The following RALYL variants were observed in gnomAD, a reference collection of about 807,000 sequenced individuals.
RALYL encodes the protein RALY RNA binding protein like.
Under a neutral mutation model 35.1 loss-of-function variants are expected in RALYL, and 29 were observed. That is an observed-to-expected ratio of 0.83 (90% CI 0.61 to 1.13). The LOEUF (loss-of-function observed/expected upper bound fraction) is 1.13, where lower values mean the gene tolerates loss of function less well. Among genes scored for constraint, RALYL ranks in the 50% most tolerant of loss-of-function variants. RALYL has a pLI of 0.00. For synonymous variants in RALYL, 120 were observed against 127.6 expected, an observed-to-expected ratio of 0.94 and a Z score of 0.40; for missense variants, 359 against 360.4, an observed-to-expected ratio of 1.00 and a Z score of 0.03.
At chr8:84,275,294 G>A (rs929621020) in intron 1 of RALYL, among the ~76,000 whole-genome samples, 1 of 151,914 alleles carries the variant, frequency 6.6e-6, no homozygotes, top group Non-Finnish European at 1.5e-5. Flanking sequence ...AATCTAACTT[G>A]TTGGTATATT....
At chr8:84,288,307 C>T (rs1838068842) in intron 1 of RALYL, among the ~76,000 whole-genome samples, 1 of 152,128 alleles carries the variant, frequency 6.6e-6, no homozygotes, top group African/African-American at 2.4e-5. Context: ...AATGGGCAGC[C>T]AATTTGAGTG....
chr8:84,846,914 G>T (rs919591331), intron 4 of RALYL, among the ~76,000 whole-genome samples: 1 of 152,082 alleles, frequency 6.6e-6, no homozygotes, highest in Non-Finnish European at 1.5e-5. Context: ...TGGTTTTATT[G>T]ATCTTTTGTG....
intron 1 of RALYL, among the ~76,000 whole-genome samples, chr8:84,424,840 G>T (rs1245539354): frequency 6.6e-6 from 1 of 151,960 alleles, no homozygotes; most frequent in Non-Finnish European, 1.5e-5. Context: ...CTGCTGGGGG[G>T]TGCCTCCCAG....
At chr8:84,760,932 T>G (rs1191699356) in intron 2 of RALYL, among the ~76,000 whole-genome samples, 1 of 152,136 alleles carries the variant, frequency 6.6e-6, no homozygotes, top group African/African-American at 2.4e-5. Flanking sequence ...AACTGCATGA[T>G]ATCTACATTT....
chr8:84,760,017 G>A (rs1247413650), intron 2 of RALYL, among the ~76,000 whole-genome samples: 3 of 152,052 alleles, frequency 2.0e-5, no homozygotes, highest in African/African-American at 7.2e-5. Flanking sequence ...CTATCTTATA[G>A]GCCATTGCTA....
intron 2 of RALYL, among the ~76,000 whole-genome samples, chr8:84,641,869 T>C (rs1293844486): frequency 2.0e-5 from 3 of 150,780 alleles, no homozygotes; most frequent in South Asian, 2.1e-4. Context: ...TGCCAAAACA[T>C]TGATACCTTA....
intron 1 of RALYL, among the ~76,000 whole-genome samples, chr8:84,413,411 G>A (rs903908638): frequency 1.5e-4 from 22 of 150,322 alleles, no homozygotes; most frequent in Non-Finnish European, 7.4e-5. Flanking sequence ...GTTTACTGAT[G>A]GAGAAAAAAA....
intron 1 of RALYL, among the ~76,000 whole-genome samples, chr8:84,373,629 T>C (rs1241874069): frequency 6.6e-6 from 1 of 152,086 alleles, no homozygotes; most frequent in African/African-American, 2.4e-5. Context: ...GTCCCTTCAA[T>C]ATAGTTTGAC....
intron 7 of RALYL, among the ~76,000 whole-genome samples, chr8:84,882,839 C>T (rs182378515): frequency 9.2e-5 from 14 of 151,862 alleles, no homozygotes; most frequent in Middle Eastern, 3.4e-3. Context: ...ACGAACTAAA[C>T]GTTACTCATC....
chr8:84,536,044 G>A (rs575304296), intron 2 of RALYL, among the ~76,000 whole-genome samples: 2 of 152,194 alleles, frequency 1.3e-5, no homozygotes, highest in South Asian at 4.2e-4. Context: ...AATTGTTCAG[G>A]AAATAAAACT....
intron 1 of RALYL, among the ~76,000 whole-genome samples, chr8:84,276,866 C>T (rs929168891): frequency 7.9e-5 from 12 of 152,188 alleles, no homozygotes; most frequent in African/African-American, 2.9e-4. Flanking sequence ...TTCAATGAAA[C>T]ATTTACAATG....
intron 1 of RALYL, among the ~76,000 whole-genome samples, chr8:84,454,024 A>T (rs2049838330): frequency 6.6e-6 from 1 of 152,088 alleles, no homozygotes; most frequent in South Asian, 2.1e-4. Context: ...TACATATAAT[A>T]AATGGACTTC....
intron 1 of RALYL, among the ~76,000 whole-genome samples, chr8:84,308,015 C>T (rs10099145): frequency 0.053 from 7,973 of 150,880 alleles, 236 homozygotes; most frequent in Middle Eastern, 0.088. Flanking sequence ...CCGCTCAAAA[C>T]CGTAGGTCAG....
intron 2 of RALYL, among the ~76,000 whole-genome samples, chr8:84,572,320 AT>A (rs1808209003): frequency 6.6e-6 from 1 of 150,674 alleles, no homozygotes; most frequent in African/African-American, 2.4e-5. Context: ...ATATGTGAGA[AT>A]TTTTCCTGTC....
At chr8:84,584,901 C>G (rs1205210793) in intron 2 of RALYL, among the ~76,000 whole-genome samples, 1 of 152,140 alleles carries the variant, frequency 6.6e-6, no homozygotes, top group African/African-American at 2.4e-5. Context: ...AAAGAAACTG[C>G]TAGTCAGATG....
At chr8:84,529,927 T>G (rs1253593548) in intron 2 of RALYL, among the ~76,000 whole-genome samples, 7 of 152,130 alleles carry the variant, frequency 4.6e-5, no homozygotes, top group African/African-American at 7.2e-5. Flanking sequence ...TAACTTCACT[T>G]GTCATACTTA....
At chr8:84,587,229 T>C (rs1365362136) in intron 2 of RALYL, among the ~76,000 whole-genome samples, 1 of 152,212 alleles carries the variant, frequency 6.6e-6, no homozygotes, top group African/African-American at 2.4e-5. Context: ...CTAGAATTTC[T>C]TGAGGTTGAA....
At chr8:84,472,012 T>C (rs563235236) in intron 1 of RALYL, among the ~76,000 whole-genome samples, 108 of 152,324 alleles carry the variant, frequency 7.1e-4, no homozygotes, top group Non-Finnish European at 1.4e-3. Context: ...AAATTCTCAG[T>C]AGGAACACTT....
intron 1 of RALYL, among the ~76,000 whole-genome samples, chr8:84,302,685 A>C (rs960364688): frequency 6.6e-6 from 1 of 152,154 alleles, no homozygotes; most frequent in African/African-American, 2.4e-5. Flanking sequence ...ACAGATTTGC[A>C]TTTTTATGAA....
Sources: gnomAD v4.1 joint callset for allele counts (sites outside exome capture counted in the v4.1 genomes callset) on GRCh38, gnomAD v4.1.1 for gene constraint, MANE v1.5 for transcripts, NCBI Gene and HGNC (gene_info 2026-07-23, HGNC 2026-07-21) for gene names.